SLCO1A2: variants seen among roughly 807,000 people sequenced by gnomAD.
SLCO1A2 encodes the protein OATP-1.
Under a neutral mutation model 69.0 loss-of-function variants are expected in SLCO1A2, and 67 were observed. The observed-to-expected ratio is 0.97, with a 90% CI of 0.80 to 1.19. The LOEUF is 1.19. SLCO1A2 is among the 50% of genes most tolerant of loss of function. The probability of loss-of-function intolerance (pLI) is 0.00; values close to 1 mark genes in which losing one functional copy is unlikely to be tolerated. For synonymous variants in SLCO1A2, 260 were observed against 265.9 expected, an observed-to-expected ratio of 0.98 and a Z score of 0.22; for missense variants, 787 against 793.7, an observed-to-expected ratio of 0.99 and a Z score of 0.10.
chr12:21,299,584 A>C (rs1233788251), intron 8 of SLCO1A2, among the ~76,000 whole-genome samples: 1 of 150,150 alleles, frequency 6.7e-6, no homozygotes, highest in Non-Finnish European at 1.5e-5. Flanking sequence ...TTTCTGATTT[A>C]ACTTCCAGGA....
At chr12:21,273,638 T>G (rs914641635) in intron 14 of SLCO1A2, among the ~76,000 whole-genome samples, 17 of 152,108 alleles carry the variant, frequency 1.1e-4, no homozygotes, top group Admixed American at 4.6e-4. Flanking sequence ...TAGTGACCCT[T>G]GGGGTTCCTC....
rs539599097 is a variant in SLCO1A2 at position 21,348,398 on chromosome 12, G to A, written c.-62-13689C>T. On this transcript the variant is annotated intron_variant, in intron 2 of 15. Transcript: ENST00000307378. The stretch of plus-strand genomic sequence containing the variant: ...TCACCTCTCCCTCACAGCCCCCCAT[G>A]ACACTTAACAGCCTCTGGTAACCAT... Among the ~76,000 whole-genome samples the A allele has an allele frequency of 3.9e-5, 6 of 152,222 alleles. No individual in the cohort carries two copies. In the South Asian group the frequency reaches 1.2e-3, roughly 32 times the overall value.
intron 1 of SLCO1A2, among the ~76,000 whole-genome samples, chr12:21,387,876 T>C (rs917377378): frequency 1.3e-5 from 2 of 152,198 alleles, no homozygotes; most frequent in African/African-American, 4.8e-5. Flanking sequence ...GAAAGAGCAC[T>C]GTATCCTACA....
chr12:21,321,655 A>G (rs1951646333), intron 2 of SLCO1A2, among the ~76,000 whole-genome samples: 1 of 152,166 alleles, frequency 6.6e-6, no homozygotes, highest in African/African-American at 2.4e-5. Context: ...TAACCCTGCC[A>G]TTTTATAGGT....
chr12:21,376,469 C>A, intron 1 of SLCO1A2: 1 of 178,874 alleles, frequency 5.6e-6, no homozygotes, highest in South Asian at 8.6e-5. Context: ...ATGGTACCTT[C>A]AAAAATAAAT....
At chr12:21,273,794 T>C (rs1943312662) in intron 14 of SLCO1A2, 1 of 152,188 alleles carries the variant, frequency 6.6e-6, no homozygotes, top group African/African-American at 2.4e-5. Flanking sequence ...ATGTGTCCTT[T>C]TGCTGATCAA....
chr12:21,414,499 T>G (rs1257355483), intron 1 of SLCO1A2, among the ~76,000 whole-genome samples: 2 of 152,158 alleles, frequency 1.3e-5, no homozygotes, highest in Non-Finnish European at 2.9e-5. Context: ...ACCAACTTAA[T>G]CGCATTGTGT....
At position 21,349,330 on chromosome 12, in the gene SLCO1A2, C is replaced by G. The variant is rs557793979; in HGVS notation, c.-62-14621G>C. Among the ~76,000 whole-genome samples, 403 of 152,238 alleles carry G rather than the reference C, an allele frequency of 2.6e-3. 5 individuals are homozygous for G. Among genetic ancestry groups the G allele is most frequent in the African/African-American group, 9.3e-3 (388 of 41,544 alleles). On this transcript the variant is annotated intron_variant, in intron 2 of 15. Transcript: ENST00000307378. ...AGCATTGGAGTCCTGGGTTTCTATT[C>G]TGCTGAGAGGCCCAGATGAAACTTC...
intron 2 of SLCO1A2, among the ~76,000 whole-genome samples, chr12:21,322,441 A>C (rs918684952): frequency 3.3e-5 from 5 of 152,206 alleles, no homozygotes; most frequent in Non-Finnish European, 7.3e-5. Flanking sequence ...TAAGATTTAC[A>C]TTGGTTTAAT....
chr12:21,340,641 A>G (rs1443258515), intron 2 of SLCO1A2, among the ~76,000 whole-genome samples: 1 of 151,974 alleles, frequency 6.6e-6, no homozygotes, highest in African/African-American at 2.4e-5. Flanking sequence ...GAGTTTCACT[A>G]TGAGGAAATC....
At chr12:21,371,594 A>T (rs1350182332) in intron 2 of SLCO1A2, among the ~76,000 whole-genome samples, 1 of 152,192 alleles carries the variant, frequency 6.6e-6, no homozygotes, top group Non-Finnish European at 1.5e-5. Context: ...AGAGAACTTC[A>T]ATTTTTTTAA....
At chr12:21,336,766 C>T (rs1180758845), upstream of SLCO1A2, among the ~76,000 whole-genome samples, 6 of 151,934 alleles carry the variant, frequency 3.9e-5, no homozygotes, top group Admixed American at 1.3e-4. Flanking sequence ...TTCATCTTCT[C>T]GAGGCTGTGC....
intron 1 of SLCO1A2, among the ~76,000 whole-genome samples, chr12:21,406,169 T>C (rs1412843083): frequency 6.6e-6 from 1 of 151,392 alleles, no homozygotes; most frequent in East Asian, 1.9e-4. Flanking sequence ...TGTGTGTGTG[T>C]CTGTGTGTCT....
At chr12:21,286,857 A>T (rs1376748232) in intron 12 of SLCO1A2, among the ~76,000 whole-genome samples, 4 of 150,122 alleles carry the variant, frequency 2.7e-5, no homozygotes, top group African/African-American at 9.9e-5. Context: ...ACAAAAATCA[A>T]TTCAAGATGG....
intron 1 of SLCO1A2, among the ~76,000 whole-genome samples, chr12:21,401,446 A>G (rs1003610471): frequency 6.6e-6 from 1 of 151,872 alleles, no homozygotes. Flanking sequence ...ATTGAAGGTC[A>G]TCTTGCATGA....
At chr12:21,292,031 A>G in intron 12 of SLCO1A2, 133 bp downstream of exon 12, 1 of 538,896 alleles carries the variant, frequency 1.9e-6, no homozygotes, top group Non-Finnish European at 3.0e-6. Flanking sequence ...AACAATGCTT[A>G]ATACAAAACC....
rs1380465368 is a variant in SLCO1A2 at position 21,314,541 on chromosome 12, G to A, written c.335+8C>T. 3.7e-6 allele frequency: 6 copies of A among 1,613,280 alleles called. No individual in the cohort carries two copies. The highest frequency in any genetic ancestry group is 2.2e-5 in the South Asian group (2 of 90,712). On this transcript the variant is annotated splice_region_variant and intron_variant, in intron 4 of 14. Coordinates refer to ENST00000683939, the MANE Select transcript of SLCO1A2 (RefSeq NM_001386879.1). The stretch of plus-strand genomic sequence containing the variant: ...GACCACCCAAAATTATCAGACTGGA[G>A]TACTTACTGGTTCATGAGGAAATGA...
chr12:21,394,590 CA>C (rs1246210816), intron 1 of SLCO1A2, among the ~76,000 whole-genome samples: 18 of 140,326 alleles, frequency 1.3e-4, no homozygotes, highest in South Asian at 4.6e-4. Context: ...CAACAAAAAA[CA>C]AAAAAAAAAG....
chr12:21,350,835 CAAAAAAAAAAAAAAAA>C (rs11454466), intron 2 of SLCO1A2, among the ~76,000 whole-genome samples: 1 of 40,732 alleles, frequency 2.5e-5, no homozygotes, highest in Non-Finnish European at 4.1e-5. Context: ...GACTCTGTCT[CAAAAAAAAAAAAAAAA>C]AAAAAAAAAA....
Sources: gnomAD v4.1 joint callset for allele counts (sites outside exome capture counted in the v4.1 genomes callset) on GRCh38, gnomAD v4.1.1 for gene constraint, MANE v1.5 for transcripts, NCBI Gene and HGNC (gene_info 2026-07-23, HGNC 2026-07-21) for gene names.